The following SF3B6 variants were observed in gnomAD, a reference collection of about 807,000 sequenced individuals.
SF3B6 encodes the protein splicing factor 3b subunit 6.
In SF3B6, 3 loss-of-function variants were observed where a neutral mutation model predicts 15.9. The observed-to-expected ratio is 0.19, with a 90% CI of 0.09 to 0.49. SF3B6 has a LOEUF of 0.49. Among genes scored for constraint, SF3B6 ranks in the 20% least tolerant of loss-of-function variants. SF3B6 has a pLI of 0.97. For missense variants in SF3B6, 71 were observed against 154.3 expected, an observed-to-expected ratio of 0.46 and a Z score of 2.86; for synonymous variants, 49 against 51.1, an observed-to-expected ratio of 0.96 and a Z score of 0.18.
At chr2:24,068,115 C>T (rs1182132163) in intron 3 of SF3B6, among the ~76,000 whole-genome samples, 1 of 152,172 alleles carries the variant, frequency 6.6e-6, no homozygotes, top group Non-Finnish European at 1.5e-5. Context: ...AGGCGCCCGC[C>T]ACCACGCCCG....
At chr2:24,067,995 C>T in intron 3 of SF3B6, 144 bp from the exon 4 acceptor site, 1 of 752,944 alleles carries the variant, frequency 1.3e-6, no homozygotes, top group East Asian at 2.5e-5. Context: ...GACGGAGTCT[C>T]TCTGTTGCCC....
At chr2:24,073,136 A>G (rs756588906) in intron 2 of SF3B6, among the ~76,000 whole-genome samples, 11 of 152,218 alleles carry the variant, frequency 7.2e-5, no homozygotes, top group Admixed American at 1.3e-4. Context: ...GTGTCATTCA[A>G]AAGGAGGGTC....
intron 2 of SF3B6, among the ~76,000 whole-genome samples, chr2:24,070,716 G>A (rs1169418094): frequency 2.0e-5 from 3 of 152,156 alleles, no homozygotes; most frequent in Admixed American, 6.6e-5. Context: ...CTCAGTACTG[G>A]GCAAACTGGG....
At chr2:24,069,396 T>C (rs1237935518) in intron 2 of SF3B6, among the ~76,000 whole-genome samples, 1 of 151,950 alleles carries the variant, frequency 6.6e-6, no homozygotes, top group Non-Finnish European at 1.5e-5. Context: ...CTGGGAGAGG[T>C]AGAGAAGTTT....
intron 2 of SF3B6, among the ~76,000 whole-genome samples, chr2:24,072,450 A>T (rs970011327): frequency 6.6e-6 from 1 of 152,212 alleles, no homozygotes; most frequent in African/African-American, 2.4e-5. Context: ...CAGCAAAACC[A>T]TGTGTTAACC....
intron 2 of SF3B6, among the ~76,000 whole-genome samples, chr2:24,070,529 G>C (rs368650910): frequency 6.6e-6 from 1 of 152,212 alleles, no homozygotes; most frequent in Non-Finnish European, 1.5e-5. Context: ...GCTCTATCAC[G>C]TGCCCTACCT....
In SF3B6 at chr2:24,072,654, C is replaced by T. The variant is rs199539671; in HGVS notation, c.149+1422G>A. On this transcript the variant is annotated intron_variant, in intron 2 of 3. Transcript: ENST00000233468. The stretch of plus-strand genomic sequence containing the variant: ...TAAGGTTAAATATTTTCTCCAGTTT[C>T]GTAAGAGTAGGCAAGCCAGTATTTG... Among the ~76,000 whole-genome samples the T allele has an allele frequency of 9.8e-5, 15 of 152,300 alleles. No individual in the cohort carries two copies. The East Asian group carries it at 1.9e-3, about 20-fold the overall frequency.
chr2:24,068,654 T>C (rs1664601986), intron 2 of SF3B6, among the ~76,000 whole-genome samples, 195 bp from the exon 3 acceptor site: 2 of 152,350 alleles, frequency 1.3e-5, no homozygotes, highest in East Asian at 3.9e-4. Context: ...GATAAGCCTG[T>C]AATTTCTTGA....
chr2:24,076,092 G>C lies in SF3B6; in HGVS notation c.30+108C>G, dbSNP rs921615266. 8 of 1,384,632 alleles carry C rather than the reference G, an allele frequency of 5.8e-6. No homozygotes were observed. In the African/African-American group the frequency reaches 1.1e-4, roughly 20 times the overall value. 85.8% of individuals were successfully genotyped at this position (1,384,632 alleles called of 1,614,324 possible). ...CTTCGCTGACAGGATAGGAATTCTG[G>C]AGTTCTCCGCTCTGGGGACGGAGGA... On this transcript the variant is annotated intron_variant, in intron 1 of 3. Coordinates refer to ENST00000233468, the MANE Select transcript of SF3B6 (RefSeq NM_016047.4).
chr2:24,076,269 T>C lies in SF3B6; in HGVS notation c.-40A>G. ...GAAGTTACCGTAGCAGATACTGAAA[T>C]TCCTCCGGAGCTCGCTCGGCTTCGG... On this transcript the variant is annotated 5_prime_UTR_variant, in exon 1 of 4. Transcript: ENST00000233468. 6.2e-7 allele frequency: 1 copy of C among 1,614,020 alleles called. No individual in the cohort carries two copies.
At chr2:24,072,560 A>G (rs536480914) in intron 2 of SF3B6, among the ~76,000 whole-genome samples, 3 of 152,364 alleles carry the variant, frequency 2.0e-5, no homozygotes, top group African/African-American at 7.2e-5. Context: ...GTGTAATTTC[A>G]TCCAAATTAA....
At chr2:24,073,420 T>G (rs1258735084) in intron 2 of SF3B6, among the ~76,000 whole-genome samples, 1 of 152,192 alleles carries the variant, frequency 6.6e-6, no homozygotes, top group African/African-American at 2.4e-5. Flanking sequence ...AGAAAGGTAC[T>G]TTACTCTCAG....
chr2:24,076,280 C>A lies in SF3B6; in HGVS notation c.-51G>T, dbSNP rs1360835764. 1 of 1,612,064 alleles carries A rather than the reference C, an allele frequency of 6.2e-7. No homozygotes were observed. Among genetic ancestry groups the A allele is most frequent in the Non-Finnish European group, 8.5e-7 (1 of 1,178,050 alleles). On this transcript the variant is annotated 5_prime_UTR_variant, in exon 1 of 4. Coordinates refer to ENST00000233468, the MANE Select transcript of SF3B6 (RefSeq NM_016047.4). Reference sequence around the variant, plus strand: ...AGCAGATACTGAAATTCCTCCGGAGCTCGCTCGGCTTCGGGGGTTACACCG... The same window carrying A: ...AGCAGATACTGAAATTCCTCCGGAGATCGCTCGGCTTCGGGGGTTACACCG...
At chr2:24,072,655 G>A (rs1162644613) in intron 2 of SF3B6, among the ~76,000 whole-genome samples, 2 of 152,110 alleles carry the variant, frequency 1.3e-5, no homozygotes, top group East Asian at 1.9e-4. Flanking sequence ...CTCCAGTTTC[G>A]TAAGAGTAGG....
chr2:24,076,174 C>T (rs759943544), intron 1 of SF3B6, 26 bp downstream of exon 1: 5 of 1,614,158 alleles, frequency 3.1e-6, no homozygotes, highest in East Asian at 2.2e-5. Context: ...AGTTCTCCCA[C>T]CCTCCGCAGA....
intron 2 of SF3B6, among the ~76,000 whole-genome samples, chr2:24,069,853 G>T (rs1442845170): frequency 6.6e-6 from 1 of 152,196 alleles, no homozygotes; most frequent in Non-Finnish European, 1.5e-5. Context: ...ACAACTTTCA[G>T]ACTTTTGACT....
intron 2 of SF3B6, among the ~76,000 whole-genome samples, chr2:24,072,693 C>A (rs947192083): frequency 1.1e-4 from 17 of 152,300 alleles, no homozygotes; most frequent in South Asian, 1.0e-3. Context: ...CCAGGCCTTA[C>A]AACCAATCTA....
At chr2:24,074,613 A>C (rs1192861665) in intron 1 of SF3B6, among the ~76,000 whole-genome samples, 1 of 152,142 alleles carries the variant, frequency 6.6e-6, no homozygotes, top group African/African-American at 2.4e-5. Context: ...CCATCCCAGG[A>C]GATGACCCTG....
chr2:24,069,206 G>A lies in SF3B6; in HGVS notation c.150-747C>T, dbSNP rs369533523. ...CACGATACAGCTGTGTGGCTAGGGA[G>A]AAGGGCTAGGCTTCTGCAAAGATGG... On this transcript the variant is annotated intron_variant, in intron 2 of 3. Coordinates refer to ENST00000233468, the MANE Select transcript of SF3B6 (RefSeq NM_016047.4). 3.9e-5 allele frequency among the ~76,000 whole-genome samples: 6 copies of A among 152,356 alleles called. No individual in the cohort carries two copies. The East Asian group carries it at 7.7e-4, about 20-fold the overall frequency.
Sources: gnomAD v4.1 joint callset for allele counts (sites outside exome capture counted in the v4.1 genomes callset) on GRCh38, gnomAD v4.1.1 for gene constraint, MANE v1.5 for transcripts, NCBI Gene and HGNC (gene_info 2026-07-23, HGNC 2026-07-21) for gene names.